BNC2: variants seen among roughly 807,000 people sequenced by gnomAD.
The protein encoded by BNC2 is zinc finger protein basonuclin-2.
BNC2 carries 20 observed loss-of-function variants against 76.3 expected under a neutral mutation model. That is an observed-to-expected ratio of 0.26 (90% confidence interval 0.18 to 0.38). The LOEUF (loss-of-function observed/expected upper bound fraction) is 0.38. Among genes scored for constraint, BNC2 ranks in the 10% least tolerant of loss-of-function variants. The pLI is 1.00. For missense variants in BNC2, 1,382 were observed against 1,399.8 expected, an observed-to-expected ratio of 0.99 and a Z score of 0.20; for synonymous variants, 582 against 514.8, an observed-to-expected ratio of 1.13 and a Z score of -1.77.
At chr9:16,496,951 C>T (rs774157758) in intron 5 of BNC2, among the ~76,000 whole-genome samples, 3 of 152,190 alleles carry the variant, frequency 2.0e-5, no homozygotes, top group Non-Finnish European at 4.4e-5. Flanking sequence ...GCAGCCTCTC[C>T]GCAGTACTAC....
intron 4 of BNC2, among the ~76,000 whole-genome samples, chr9:16,577,392 T>A (rs1819515870): frequency 6.6e-6 from 1 of 151,810 alleles, no homozygotes; most frequent in Admixed American, 6.6e-5. Context: ...TTGAAATTAA[T>A]GGGTTATATG....
chr9:16,449,008 G>C (rs1171496005), intron 5 of BNC2, among the ~76,000 whole-genome samples: 1 of 152,254 alleles, frequency 6.6e-6, no homozygotes, highest in Non-Finnish European at 1.5e-5. Context: ...ACAAAAGAGA[G>C]GTGTTTGGGG....
At chr9:16,590,868 T>G (rs1474589676) in intron 3 of BNC2, among the ~76,000 whole-genome samples, 4 of 152,148 alleles carry the variant, frequency 2.6e-5, no homozygotes, top group Non-Finnish European at 4.4e-5. Context: ...GCAAATTATC[T>G]GTAATGAATC....
In BNC2 at chr9:16,552,901, G is replaced by C. The variant is rs549151691; in HGVS notation, c.434-136C>G. On this transcript the variant is annotated intron_variant, in intron 4 of 6. Coordinates refer to ENST00000380672, the MANE Select transcript of BNC2 (RefSeq NM_017637.6). ...ATGAATGTTCGCCATAGGTGTTTAAGCAAGATCTTGCAAAGAAAATAGTTC... is the reference window on the plus strand; with the variant it reads ...ATGAATGTTCGCCATAGGTGTTTAACCAAGATCTTGCAAAGAAAATAGTTC... 14 of 676,166 alleles carry C rather than the reference G, an allele frequency of 2.1e-5. No homozygotes were observed. The African/African-American group carries it at 2.3e-4, about 11-fold the overall frequency. 41.9% of individuals were successfully genotyped at this position (676,166 alleles called of 1,614,324 possible). A position where few individuals can be genotyped will look rare whatever the true frequency, so the allele number is the denominator to read the frequency against.
chr9:16,826,074 C>A (rs2135982350), intron 1 of BNC2, among the ~76,000 whole-genome samples: 1 of 152,280 alleles, frequency 6.6e-6, no homozygotes, highest in African/African-American at 2.4e-5. Context: ...TGAATGCATT[C>A]CAAGCTCCCC....
In BNC2 at chr9:16,436,004, C is replaced by T. The variant is rs749135029; in HGVS notation, c.2190G>A (p.Glu730=). Residue 730 remains glutamate (E), a synonymous_variant, in exon 6 of 7, where the codon GAG becomes GAA. Coordinates refer to ENST00000380672, the MANE Select transcript of BNC2 (RefSeq NM_017637.6). ...RDYENESESS[E]PKLGEESMEG... is the part of the protein sequence containing the mutation. ...CCATGGATTCCTCGCCCAGTTTGGG[C>T]TCCGAAGACTCAGACTCGTTCTCAT... The T allele has an allele frequency of 1.2e-6, 2 of 1,614,060 alleles. No homozygotes were observed. The highest frequency in any genetic ancestry group is 1.1e-5 in the South Asian group (1 of 91,080).
At chr9:16,609,442 T>C (rs999091232) in intron 3 of BNC2, among the ~76,000 whole-genome samples, 2 of 152,142 alleles carry the variant, frequency 1.3e-5, no homozygotes, top group African/African-American at 4.8e-5. Context: ...AGGTGAAAGC[T>C]TGAGCTGCTC....
intron 3 of BNC2, among the ~76,000 whole-genome samples, chr9:16,687,371 A>G (rs1823010001): frequency 6.6e-6 from 1 of 152,164 alleles, no homozygotes; most frequent in Non-Finnish European, 1.5e-5. Flanking sequence ...AAGTAACAAA[A>G]AAGGGAATTT....
intron 5 of BNC2, among the ~76,000 whole-genome samples, chr9:16,476,834 A>G (rs890862155): frequency 6.6e-6 from 1 of 152,156 alleles, no homozygotes; most frequent in Non-Finnish European, 1.5e-5. Flanking sequence ...CATTCCTGAA[A>G]TCGTATTTTT....
At chr9:16,727,657 G>A (rs1365364690) in intron 3 of BNC2, 140 bp downstream of exon 3, 3 of 721,256 alleles carry the variant, frequency 4.2e-6, no homozygotes, top group East Asian at 5.3e-5. Context: ...ACACAGTTAT[G>A]ACAAAACAAG....
chr9:16,467,426 C>A (rs1379621190), intron 5 of BNC2, among the ~76,000 whole-genome samples: 1 of 147,568 alleles, frequency 6.8e-6, no homozygotes. Flanking sequence ...AGACTTGGAA[C>A]CAACCCAAAT....
intron 5 of BNC2, among the ~76,000 whole-genome samples, chr9:16,487,232 G>A (rs1217606502): frequency 6.6e-6 from 1 of 152,166 alleles, no homozygotes; most frequent in African/African-American, 2.4e-5. Flanking sequence ...ACAGACCAGA[G>A]GATGTAATAA....
At chr9:16,550,236 C>A (rs998371391) in intron 5 of BNC2, among the ~76,000 whole-genome samples, 1 of 151,812 alleles carries the variant, frequency 6.6e-6, no homozygotes, top group African/African-American at 2.4e-5. Flanking sequence ...AATTTGTAAA[C>A]TTTCTTAAAA....
intron 3 of BNC2, among the ~76,000 whole-genome samples, chr9:16,687,551 G>A (rs1318185433): frequency 1.3e-5 from 2 of 151,880 alleles, no homozygotes; most frequent in Admixed American, 1.3e-4. Flanking sequence ...AGCAATAGAA[G>A]GGAAAAGAAA....
chr9:16,758,651 G>A (rs2094781), intron 1 of BNC2, among the ~76,000 whole-genome samples: 123,302 of 152,172 alleles, frequency 0.81, 51,404 homozygotes, highest in Non-Finnish European at 0.91. Flanking sequence ...TCTTATGTAA[G>A]ATATATATTC....
At chr9:16,594,759 T>G (rs933861260) in intron 3 of BNC2, among the ~76,000 whole-genome samples, 5 of 152,120 alleles carry the variant, frequency 3.3e-5, no homozygotes, top group Non-Finnish European at 7.4e-5. Flanking sequence ...AAAATGAGGC[T>G]CTGAGATGTC....
chr9:16,446,421 T>C (rs898497408), intron 5 of BNC2, among the ~76,000 whole-genome samples: 3 of 152,140 alleles, frequency 2.0e-5, no homozygotes, highest in Non-Finnish European at 4.4e-5. Context: ...GACTTTGAAG[T>C]AGTGGCTTTG....
intron 1 of BNC2, among the ~76,000 whole-genome samples, chr9:16,778,602 G>C (rs1009887854): frequency 6.6e-6 from 1 of 152,172 alleles, no homozygotes; most frequent in African/African-American, 2.4e-5. Flanking sequence ...GTATTTTGCA[G>C]ATAAAAGGCT....
intron 1 of BNC2, among the ~76,000 whole-genome samples, chr9:16,850,982 G>A (rs1819114344): frequency 6.6e-6 from 1 of 151,832 alleles, no homozygotes; most frequent in Non-Finnish European, 1.5e-5. Context: ...GTAAAATGAA[G>A]ACCTCCAAGA....
Sources: gnomAD v4.1 joint callset for allele counts (sites outside exome capture counted in the v4.1 genomes callset) on GRCh38, gnomAD v4.1.1 for gene constraint, MANE v1.5 for transcripts, NCBI Gene and HGNC (gene_info 2026-07-23, HGNC 2026-07-21) for gene names.